The following GRM1 variants were observed in gnomAD, a reference collection of about 807,000 sequenced individuals.
The protein encoded by GRM1 is metabotropic glutamate receptor 1.
In GRM1, 33 loss-of-function variants were observed where a neutral mutation model predicts 90.9. The ratio of observed to expected loss-of-function variants is 0.36; its 90% CI spans 0.28 to 0.49. GRM1 has a LOEUF of 0.49. GRM1 is among the 20% of genes least tolerant of loss of function. The probability of loss-of-function intolerance (pLI) is 0.99; values close to 1 mark genes in which losing one functional copy is unlikely to be tolerated. For missense variants in GRM1, 1,190 were observed against 1,534.3 expected, an observed-to-expected ratio of 0.78 and a Z score of 3.75; for synonymous variants, 700 against 613.2, an observed-to-expected ratio of 1.14 and a Z score of -2.09.
chr6:146,115,605 A>C (rs1775713344), intron 1 of GRM1, among the ~76,000 whole-genome samples: 1 of 152,158 alleles, frequency 6.6e-6, no homozygotes, highest in South Asian at 2.1e-4. Flanking sequence ...TTACATAAAT[A>C]TATAATTTTT....
At chr6:146,402,497 A>C (rs1777193939) in intron 7 of GRM1, among the ~76,000 whole-genome samples, 1 of 152,174 alleles carries the variant, frequency 6.6e-6, no homozygotes, top group Non-Finnish European at 1.5e-5. Context: ...TTACAGCAGC[A>C]AAAATCTGGT....
intron 5 of GRM1, among the ~76,000 whole-genome samples, chr6:146,358,604 C>T (rs1044392464): frequency 5.3e-5 from 8 of 152,190 alleles, no homozygotes; most frequent in African/African-American, 1.9e-4. Context: ...GCCGCTGTAC[C>T]ATTCTTTGCT....
chr6:146,297,115 G>A (rs781091761), intron 2 of GRM1, among the ~76,000 whole-genome samples: 2 of 152,036 alleles, frequency 1.3e-5, no homozygotes, highest in Non-Finnish European at 2.9e-5. Flanking sequence ...CTGTATTCAG[G>A]AGAATATCTG....
At chr6:146,064,117 A>G (rs1485565358) in intron 1 of GRM1, among the ~76,000 whole-genome samples, 1 of 152,196 alleles carries the variant, frequency 6.6e-6, no homozygotes, top group Non-Finnish European at 1.5e-5. Flanking sequence ...GAAATCCAGG[A>G]TATATAATTC....
chr6:146,051,921 A>G (rs771950992), intron 1 of GRM1, among the ~76,000 whole-genome samples: 46 of 152,154 alleles, frequency 3.0e-4, no homozygotes, highest in Non-Finnish European at 1.3e-4. Context: ...ACCAGTTGCA[A>G]AGGGTGGTGG....
intron 1 of GRM1, among the ~76,000 whole-genome samples, chr6:146,104,521 A>G (rs866632159): frequency 6.6e-6 from 1 of 152,344 alleles, no homozygotes; most frequent in East Asian, 1.9e-4. Context: ...AGATACCTAA[A>G]GAAGACCAAT....
At chr6:146,267,804 G>A (rs1781975585) in intron 2 of GRM1, among the ~76,000 whole-genome samples, 1 of 151,706 alleles carries the variant, frequency 6.6e-6, no homozygotes, top group Non-Finnish European at 1.5e-5. Context: ...TGGCTGATTA[G>A]ATTGTGCCCA....
intron 2 of GRM1, among the ~76,000 whole-genome samples, chr6:146,239,633 C>T (rs879727242): frequency 3.9e-5 from 6 of 152,060 alleles, no homozygotes; most frequent in Non-Finnish European, 7.4e-5. Context: ...AAGAAGGAAA[C>T]TGTTCAATTT....
At chr6:146,173,626 T>C (rs1434717168) in intron 2 of GRM1, among the ~76,000 whole-genome samples, 1 of 151,362 alleles carries the variant, frequency 6.6e-6, no homozygotes, top group Non-Finnish European at 1.5e-5. Context: ...CTAAATTCTG[T>C]GGAATGGTTG....
At chr6:146,171,746 A>G (rs7758373) in intron 2 of GRM1, 1 of 291,490 alleles carries the variant, frequency 3.4e-6, no homozygotes, top group African/African-American at 2.3e-5. Flanking sequence ...GATACCTACT[A>G]AGGTCAAGAG....
chr6:146,202,945 C>A (rs965752919), intron 2 of GRM1, among the ~76,000 whole-genome samples: 1 of 152,062 alleles, frequency 6.6e-6, no homozygotes, highest in Non-Finnish European at 1.5e-5. Context: ...TTTGTAATCC[C>A]AGCACTTTGG....
chr6:146,378,619 AGCATTGTGTCTAG>A (rs1347731491), intron 5 of GRM1, among the ~76,000 whole-genome samples: 17 of 152,180 alleles, frequency 1.1e-4, no homozygotes, highest in Non-Finnish European at 2.2e-4. Context: ...CATTGTATCT[AGCATTGTGTCTAG>A]GAAGTAACTA....
At chr6:146,392,842 A>G (rs561535224) in intron 6 of GRM1, among the ~76,000 whole-genome samples, 1 of 152,312 alleles carries the variant, frequency 6.6e-6, no homozygotes, top group African/African-American at 2.4e-5. Flanking sequence ...AGCTTAATCC[A>G]TGTCCCTGCA....
intron 2 of GRM1, among the ~76,000 whole-genome samples, chr6:146,267,177 T>TGGC (rs1165004024): frequency 6.6e-6 from 1 of 152,232 alleles, no homozygotes; most frequent in Non-Finnish European, 1.5e-5. Context: ...CTGGGGATAA[T>TGGC]GGCTTCCGGC....
Position 146,399,112 on chromosome 6 carries a change from G to T in GRM1, c.2073G>T (p.Lys691Asn). 2 of 1,614,126 alleles carry T rather than the reference G, an allele frequency of 1.2e-6. No individual in the cohort carries two copies. The highest frequency in any genetic ancestry group is 1.7e-6 in the Non-Finnish European group (2 of 1,180,030). ...RIARILAGSK[K>N]KICTRKPRFM... ...CACGCATCCTGGCTGGCAGCAAGAA[G>T]AAGATCTGCACCCGGAAGCCCAGGT... Residue 691 changes from lysine (K) to asparagine (N), a missense_variant, in exon 7 of 8, where the codon AAG becomes AAT. Around this residue, in one of 10 missense-constraint regions of GRM1, gnomAD observed 414 missense variants for 598.4 expected, o/e 0.69. Coordinates refer to ENST00000282753, the MANE Select transcript of GRM1 (RefSeq NM_001278064.2). This position sits in a 1 kb window ranked among gnomAD's most constrained non-coding sequence, Gnocchi z 5.4.
intron 2 of GRM1, among the ~76,000 whole-genome samples, chr6:146,165,401 GA>G (rs995092169): frequency 1.3e-4 from 20 of 151,524 alleles, no homozygotes; most frequent in African/African-American, 4.6e-4. Flanking sequence ...TTCCACTATG[GA>G]AAAAAAATGG....
rs35329703 is a variant in GRM1 at position 146,146,103 on chromosome 6, C to CTTTTTTTTTT, written c.701-13218_701-13209dup. Among the ~76,000 whole-genome samples the CTTTTTTTTTT allele has an allele frequency of 3.4e-3, 68 of 19,988 alleles. 31 individuals carry two copies. The highest frequency in any genetic ancestry group is 4.1e-3 in the Non-Finnish European group (39 of 9,440). The allele number at this position is 19,988 out of a possible 152,430, so 13.1% of individuals were successfully genotyped here. On this transcript the variant is annotated intron_variant, in intron 1 of 7. Coordinates refer to ENST00000282753, the MANE Select transcript of GRM1 (RefSeq NM_001278064.2). ...CTGTGCCTATGTACTACCATTGTAT[C>CTTTTTTTTTT]TTTTTTTTTTTTTTTTTTTTTTTTT...
At chr6:146,077,446 C>T (rs763843533) in intron 1 of GRM1, among the ~76,000 whole-genome samples, 1 of 152,156 alleles carries the variant, frequency 6.6e-6, no homozygotes, top group East Asian at 1.9e-4. Context: ...TCTGAACTTC[C>T]CTTTCCCATC....
chr6:146,392,430 G>A (rs1421683441), intron 6 of GRM1, among the ~76,000 whole-genome samples: 2 of 152,136 alleles, frequency 1.3e-5, no homozygotes, highest in Non-Finnish European at 1.5e-5. Context: ...TTACATGAGT[G>A]TCTTCTACAA....
Sources: gnomAD v4.1 joint callset for allele counts (sites outside exome capture counted in the v4.1 genomes callset) on GRCh38, gnomAD v4.1.1 for gene constraint, gnomAD v4.1.1 regional missense constraint, Gnocchi (gnomAD v3.1) non-coding constraint, MANE v1.5 for transcripts, NCBI Gene and HGNC (gene_info 2026-07-23, HGNC 2026-07-21) for gene names.